Variants in MACROD2 observed in about 807,000 individuals in gnomAD.
MACROD2 encodes mono-ADP ribosylhydrolase 2.
A neutral mutation model predicts 70.4 loss-of-function variants in MACROD2; 36 were observed. The observed-to-expected ratio is 0.51, with a 90% CI of 0.39 to 0.68. The LOEUF is 0.68. MACROD2 is among the 30% of genes least tolerant of loss of function. MACROD2 has a pLI of 0.00. For missense variants in MACROD2, 496 were observed against 538.4 expected (o/e 0.92, Z 0.78); for synonymous variants, 172 against 178.8 (o/e 0.96, Z 0.30).
intron 5 of MACROD2, among the ~76,000 whole-genome samples, chr20:14,862,715 A>ATATAAAAATATATATATATG: frequency 1.6e-5 from 1 of 63,348 alleles, no homozygotes; most frequent in South Asian, 4.6e-4. Flanking sequence ...ATATATATAT[A>ATATAAAAATATATATATATG]TTTTTTTTTA....
At chr20:15,984,852 G>C (rs1200846310) in intron 13 of MACROD2, among the ~76,000 whole-genome samples, 4 of 152,090 alleles carry the variant, frequency 2.6e-5, no homozygotes, top group African/African-American at 9.7e-5. Flanking sequence ...GGTATAGATG[G>C]CCTCTTTTTC....
intron 5 of MACROD2, among the ~76,000 whole-genome samples, chr20:14,987,276 G>A (rs1019498965): frequency 6.6e-6 from 1 of 152,060 alleles, no homozygotes; most frequent in Admixed American, 6.5e-5. Flanking sequence ...TTCTGGAATG[G>A]TATGATAGTA....
intron 6 of MACROD2, among the ~76,000 whole-genome samples, chr20:15,336,038 A>G (rs1401098636): frequency 6.6e-6 from 1 of 151,578 alleles, no homozygotes; most frequent in Admixed American, 6.6e-5. Flanking sequence ...CCCTTTCACC[A>G]ATAGGGTTGA....
At chr20:16,020,431 G>A (rs149299910) in intron 15 of MACROD2, among the ~76,000 whole-genome samples, 1 of 151,862 alleles carries the variant, frequency 6.6e-6, no homozygotes, top group Non-Finnish European at 1.5e-5. Context: ...GGGTTAGATG[G>A]TCTCTACTAA....
At chr20:14,538,103 G>A (rs1406030998) in intron 4 of MACROD2, among the ~76,000 whole-genome samples, 1 of 152,072 alleles carries the variant, frequency 6.6e-6, no homozygotes, top group African/African-American at 2.4e-5. Flanking sequence ...TCCCATGAAG[G>A]GGATACTATA....
At chr20:15,638,029 GA>G (rs143722467) in intron 8 of MACROD2, among the ~76,000 whole-genome samples, 11,626 of 152,244 alleles carry the variant, frequency 0.076, 588 homozygotes, top group Middle Eastern at 0.14. Flanking sequence ...GGAAGGCCCA[GA>G]ATTTTTTTTT....
rs564173220 is a variant in MACROD2 at position 15,935,403 on chromosome 20, A to G, written c.838+2065A>G. 3.3e-5 allele frequency among the ~76,000 whole-genome samples: 5 copies of G among 152,308 alleles called. No homozygotes were observed. The South Asian group carries it at 1.0e-3, about 32-fold the overall frequency. ...TGTCAACACACATAGTTACGTTCAC[A>G]CTGCTCATTTCTTATCCTCCCTAAT... On this transcript the variant is annotated intron_variant, in intron 11 of 17. Coordinates refer to ENST00000684519, the MANE Select transcript of MACROD2 (RefSeq NM_001351661.2).
At chr20:14,788,013 C>T (rs1437365733) in intron 5 of MACROD2, among the ~76,000 whole-genome samples, 3 of 151,988 alleles carry the variant, frequency 2.0e-5, no homozygotes, top group Non-Finnish European at 4.4e-5. Flanking sequence ...CCAGCCCATT[C>T]TCTGACAGGT....
chr20:14,454,403 C>G (rs1469788439), intron 3 of MACROD2, among the ~76,000 whole-genome samples: 2 of 147,566 alleles, frequency 1.4e-5, no homozygotes, highest in Non-Finnish European at 3.0e-5. Flanking sequence ...ATGTATGATC[C>G]TTTATTCCAC....
At chr20:15,599,676 A>G (rs899427674) in intron 8 of MACROD2, among the ~76,000 whole-genome samples, 2 of 152,262 alleles carry the variant, frequency 1.3e-5, no homozygotes, top group African/African-American at 4.8e-5. Context: ...ATGTCACTAC[A>G]TAGCAATAGT....
chr20:14,301,863 A>G (rs933152592), intron 3 of MACROD2, among the ~76,000 whole-genome samples: 2 of 152,218 alleles, frequency 1.3e-5, no homozygotes, highest in Non-Finnish European at 2.9e-5. Context: ...CTTATAAAAT[A>G]TGAATTCTAT....
chr20:14,108,084 C>T (rs541317702), intron 3 of MACROD2, among the ~76,000 whole-genome samples: 16 of 151,826 alleles, frequency 1.1e-4, no homozygotes, highest in African/African-American at 3.9e-4. Context: ...TACAATAAGA[C>T]ACAAAGAGGA....
intron 15 of MACROD2, among the ~76,000 whole-genome samples, chr20:16,029,875 G>A (rs927515379): frequency 5.9e-5 from 9 of 152,066 alleles, no homozygotes; most frequent in Non-Finnish European, 8.8e-5. Flanking sequence ...GCAAAATCCC[G>A]GGAATTTCAC....
At chr20:14,702,604 T>TACAC (rs2071214336) in intron 5 of MACROD2, among the ~76,000 whole-genome samples, 1 of 71,968 alleles carries the variant, frequency 1.4e-5, no homozygotes, top group Non-Finnish European at 2.7e-5. Flanking sequence ...TATGTGTGTA[T>TACAC]ATATATGTGT....
chr20:16,001,988 TTAGA>T (rs774357626), intron 15 of MACROD2, among the ~76,000 whole-genome samples: 15 of 151,756 alleles, frequency 9.9e-5, no homozygotes, highest in Admixed American at 3.9e-4. Context: ...CATCTAGTAA[TTAGA>T]TAGGATAAAT....
At chr20:15,700,155 G>A (rs2050436658) in intron 8 of MACROD2, among the ~76,000 whole-genome samples, 1 of 152,202 alleles carries the variant, frequency 6.6e-6, no homozygotes, top group Non-Finnish European at 1.5e-5. Flanking sequence ...GGGTCTGTGA[G>A]TCCTTTCGGG....
At position 14,816,638 on chromosome 20, in the gene MACROD2, G is replaced by T. The variant is rs536099536; in HGVS notation, c.418+131679G>T. Reference sequence around the variant, plus strand: ...CATACATATAAACTGTATTTTTAAGGACACATTTAAGTGTTCCCTTTTTTC... The same window carrying T: ...CATACATATAAACTGTATTTTTAAGTACACATTTAAGTGTTCCCTTTTTTC... On this transcript the variant is annotated intron_variant, in intron 5 of 17. Transcript: ENST00000684519. 1.3e-4 allele frequency among the ~76,000 whole-genome samples: 19 copies of T among 151,844 alleles called. 1 individual carries two copies. In the South Asian group the frequency reaches 3.9e-3, roughly 32 times the overall value.
At chr20:14,696,365 A>G (rs550362883) in intron 5 of MACROD2, among the ~76,000 whole-genome samples, 1 of 152,176 alleles carries the variant, frequency 6.6e-6, no homozygotes, top group Non-Finnish European at 1.5e-5. Context: ...TACTGATAAG[A>G]ATTACTGTTT....
At chr20:15,246,989 CGTAGATACAGAGA>C (rs1326287534) in intron 6 of MACROD2, among the ~76,000 whole-genome samples, 1 of 152,000 alleles carries the variant, frequency 6.6e-6, no homozygotes, top group Non-Finnish European at 1.5e-5. Context: ...ATAGGAAATC[CGTAGATACAGAGA>C]GTAGATTAAC....
Sources: allele counts gnomAD v4.1 joint callset (sites outside exome capture counted in the v4.1 genomes callset), GRCh38; gene constraint gnomAD v4.1.1; transcripts MANE v1.5; gene names NCBI Gene and HGNC (gene_info 2026-07-23, HGNC 2026-07-21).